Variants in FHOD3 observed in about 807,000 individuals in gnomAD.
The protein encoded by FHOD3 is formin homology 2 domain containing 3, also known as FH1/FH2 domain-containing protein 3.
FHOD3 carries 90 observed loss-of-function variants against 173.0 expected under a neutral mutation model. The ratio of observed to expected loss-of-function variants is 0.52; its 90% CI spans 0.44 to 0.62. FHOD3 has a LOEUF of 0.62. Ranked by LOEUF, FHOD3 falls within the 20% of genes least tolerant of loss-of-function variation. FHOD3 has a pLI of 0.00. For missense variants in FHOD3, 1,945 were observed against 2,034.7 expected (o/e 0.96, Z 0.85); for synonymous variants, 828 against 823.0 (o/e 1.01, Z -0.10).
At chr18:36,556,951 A>G (rs1392782137) in intron 5 of FHOD3, among the ~76,000 whole-genome samples, 1 of 152,230 alleles carries the variant, frequency 6.6e-6, no homozygotes, top group African/African-American at 2.4e-5. Context: ...ATAAAATTCT[A>G]GGATGACAGG....
chr18:36,407,933 T>TTTC (rs1778699204), intron 3 of FHOD3, among the ~76,000 whole-genome samples: 1 of 152,250 alleles, frequency 6.6e-6, no homozygotes, highest in African/African-American at 2.4e-5. Context: ...GTTTTCAAGC[T>TTTC]GCACAATCCT....
At chr18:36,669,871 G>T (rs1053824653) in intron 14 of FHOD3, among the ~76,000 whole-genome samples, 2 of 151,790 alleles carry the variant, frequency 1.3e-5, no homozygotes, top group African/African-American at 2.4e-5. Flanking sequence ...TGTAAATCAA[G>T]ATGGCCATGT....
intron 1 of FHOD3, among the ~76,000 whole-genome samples, chr18:36,320,107 GC>G (rs1337168816): frequency 1.3e-5 from 2 of 152,102 alleles, no homozygotes; most frequent in Non-Finnish European, 2.9e-5. Context: ...TCAAAAGCTA[GC>G]AGAAGGCAAG....
intron 5 of FHOD3, among the ~76,000 whole-genome samples, chr18:36,552,535 G>A (rs925560656): frequency 5.1e-5 from 7 of 137,210 alleles, no homozygotes; most frequent in African/African-American, 1.9e-4. Flanking sequence ...ATCTTGCTCT[G>A]TTGCCCAGGC....
At chr18:36,430,807 C>A (rs550227144) in intron 3 of FHOD3, among the ~76,000 whole-genome samples, 11 of 152,030 alleles carry the variant, frequency 7.2e-5, no homozygotes, top group African/African-American at 2.4e-4. Flanking sequence ...TTGGACTAGA[C>A]GTTAGCGTGA....
At chr18:36,542,047 T>G (rs2057243664) in intron 5 of FHOD3, among the ~76,000 whole-genome samples, 1 of 152,226 alleles carries the variant, frequency 6.6e-6, no homozygotes, top group South Asian at 2.1e-4. Flanking sequence ...CAAAGCTGTT[T>G]TACAAATGGG....
At chr18:36,621,117 T>C (rs1283866129) in intron 9 of FHOD3, among the ~76,000 whole-genome samples, 1 of 152,208 alleles carries the variant, frequency 6.6e-6, no homozygotes, top group Non-Finnish European at 1.5e-5. Flanking sequence ...CTTCATATTA[T>C]TTTTTTCACA....
At position 36,355,581 on chromosome 18, in the gene FHOD3, C is replaced by G. The variant is rs1215072623; in HGVS notation, c.208C>G (p.Leu70Val). The change falls in exon 2 of 29, where the codon CTG (leucine) becomes GTG (valine). Residue 70 changes from leucine to valine, a missense_variant. By Grantham distance (32) the Leu-to-Val change is conservative. Coordinates refer to ENST00000590592, the MANE Select transcript of FHOD3 (RefSeq NM_001281740.3). ...TLQLSHNGAY[L>V]DLEATLAEQR... ...GCAGCTCTCTCACAATGGCGCCTAC[C>G]TGGATTTGGAGGCCACCCTGGCAGA... The G allele has an allele frequency of 6.2e-7, 1 of 1,614,150 alleles. No homozygotes were observed.
intron 5 of FHOD3, among the ~76,000 whole-genome samples, chr18:36,573,135 A>C (rs2058513679): frequency 1.4e-5 from 2 of 147,450 alleles, no homozygotes; most frequent in South Asian, 4.4e-4. Context: ...CACATTATTC[A>C]GTCTTATTTT....
At chr18:36,650,289 A>G (rs1248817460) in intron 11 of FHOD3, among the ~76,000 whole-genome samples, 3 of 152,158 alleles carry the variant, frequency 2.0e-5, no homozygotes, top group Admixed American at 2.0e-4. Context: ...TTTAGATTTA[A>G]TGGAGTCTTT....
rs561994383 is a variant in FHOD3, at chr18:36,680,453, T to C, written c.1836-983T>C. Among the ~76,000 whole-genome samples, 8 of 152,314 alleles carry C rather than the reference T, an allele frequency of 5.3e-5. No individual in the cohort carries two copies. In the East Asian group the frequency reaches 1.5e-3, roughly 29 times the overall value. ...AATATTTTTCTCTTTGTTTTGGAGA[T>C]TTTTTTCCATAAGTGAAGGCCTCAA... is the stretch of plus-strand genomic sequence containing the variant. On this transcript the variant is annotated intron_variant, in intron 14 of 28. Coordinates refer to ENST00000590592, the MANE Select transcript of FHOD3 (RefSeq NM_001281740.3).
intron 5 of FHOD3, among the ~76,000 whole-genome samples, chr18:36,570,597 ATATT>A (rs1407976515): frequency 1.3e-5 from 2 of 152,136 alleles, no homozygotes; most frequent in Non-Finnish European, 2.9e-5. Flanking sequence ...ACACTGAACA[ATATT>A]TATTATGAAC....
chr18:36,575,444 G>T (rs1027518263), intron 5 of FHOD3, among the ~76,000 whole-genome samples: 1 of 152,112 alleles, frequency 6.6e-6, no homozygotes, highest in African/African-American at 2.4e-5. Context: ...GTGTGTGTTT[G>T]TAATGCATAA....
chr18:36,684,345 A>G (rs2038458421), intron 15 of FHOD3, among the ~76,000 whole-genome samples: 1 of 152,214 alleles, frequency 6.6e-6, no homozygotes, highest in Non-Finnish European at 1.5e-5. Flanking sequence ...AATTAGGAAA[A>G]TTTTAACTCA....
intron 10 of FHOD3, among the ~76,000 whole-genome samples, chr18:36,638,837 C>T (rs76529870): frequency 0.012 from 1,801 of 152,268 alleles, 32 homozygotes; most frequent in African/African-American, 0.041. Flanking sequence ...CTCCCAAGAC[C>T]ACCCTCAACA....
At chr18:36,323,230 G>A (rs1165293186) in intron 1 of FHOD3, among the ~76,000 whole-genome samples, 1 of 152,220 alleles carries the variant, frequency 6.6e-6, no homozygotes, top group Admixed American at 6.5e-5. Flanking sequence ...TCTGACAGGG[G>A]AAGTTGGGAA....
intron 1 of FHOD3, among the ~76,000 whole-genome samples, chr18:36,300,031 G>T (rs2091917834): frequency 6.6e-6 from 1 of 152,202 alleles, no homozygotes; most frequent in South Asian, 2.1e-4. Flanking sequence ...CACCTTGATA[G>T]AAACAGCTGG....
chr18:36,747,203 T>A, intron 24 of FHOD3, 68 bp downstream of exon 24: 1 of 1,274,984 alleles, frequency 7.8e-7, no homozygotes, highest in Non-Finnish European at 1.1e-6. Context: ...TACTGGAAAT[T>A]AAGAGCCGAT....
At chr18:36,451,851 G>A (rs2051867249) in intron 3 of FHOD3, among the ~76,000 whole-genome samples, 1 of 152,210 alleles carries the variant, frequency 6.6e-6, no homozygotes, top group South Asian at 2.1e-4. Flanking sequence ...AATTTGACTG[G>A]TTAAGAGTAA....
Sources: gnomAD v4.1 joint callset for allele counts (sites outside exome capture counted in the v4.1 genomes callset) on GRCh38, gnomAD v4.1.1 for gene constraint, MANE v1.5 for transcripts, NCBI Gene and HGNC (gene_info 2026-07-23, HGNC 2026-07-21) for gene names.